KCNQ3: variants seen among roughly 807,000 people sequenced by gnomAD.
The protein encoded by KCNQ3 is potassium voltage-gated channel subfamily KQT member 3.
In KCNQ3, 30 loss-of-function variants were observed where a neutral mutation model predicts 92.5. The observed-to-expected ratio is 0.32, with a 90% CI of 0.24 to 0.44. The LOEUF is 0.44. Ranked by LOEUF, KCNQ3 falls within the 20% of genes least tolerant of loss-of-function variation. KCNQ3 has a pLI of 1.00. For missense variants in KCNQ3, 913 were observed against 1,140.3 expected (o/e 0.80, Z 2.87); for synonymous variants, 450 against 468.8 (o/e 0.96, Z 0.52).
At chr8:132,424,936 C>T (rs901710792) in intron 1 of KCNQ3, among the ~76,000 whole-genome samples, 1 of 152,202 alleles carries the variant, frequency 6.6e-6, no homozygotes, top group African/African-American at 2.4e-5. Flanking sequence ...ATTATATCCA[C>T]AAGGAGTCTT....
intron 1 of KCNQ3, among the ~76,000 whole-genome samples, chr8:132,395,550 C>T (rs1056433464): frequency 2.0e-5 from 3 of 152,230 alleles, no homozygotes; most frequent in African/African-American, 7.2e-5. Flanking sequence ...AACCAAACAT[C>T]TTAGCTCAGA....
chr8:132,360,482 C>T (rs1358705957), intron 1 of KCNQ3, among the ~76,000 whole-genome samples: 2 of 152,176 alleles, frequency 1.3e-5, no homozygotes, highest in African/African-American at 4.8e-5. Context: ...AGGAACAGAG[C>T]CAGGCACATA....
chr8:132,446,182 C>T (rs540949539), intron 1 of KCNQ3, among the ~76,000 whole-genome samples: 1 of 152,288 alleles, frequency 6.6e-6, no homozygotes, highest in South Asian at 2.1e-4. Flanking sequence ...TTGCTAACGG[C>T]CCTGCAGTGG....
chr8:132,153,336 C>T (rs1424456303), intron 9 of KCNQ3, among the ~76,000 whole-genome samples: 1 of 152,120 alleles, frequency 6.6e-6, no homozygotes, highest in Non-Finnish European at 1.5e-5. Context: ...CTTTTCTCTG[C>T]CTGTATGTGT....
At chr8:132,294,069 C>T (rs1428105889) in intron 1 of KCNQ3, among the ~76,000 whole-genome samples, 1 of 139,764 alleles carries the variant, frequency 7.2e-6, no homozygotes, top group Admixed American at 7.9e-5. Flanking sequence ...GGCGTGATCT[C>T]AGCTCACTGC....
At chr8:132,176,157 T>C (rs945124593) in intron 4 of KCNQ3, among the ~76,000 whole-genome samples, 1 of 152,136 alleles carries the variant, frequency 6.6e-6, no homozygotes, top group Non-Finnish European at 1.5e-5. Context: ...GTACCACTGG[T>C]GAAATGCAGC....
Position 132,187,875 on chromosome 8 carries a change from A to G in KCNQ3, c.387-1694T>C, listed in dbSNP as rs1439054984. Among the ~76,000 whole-genome samples, 171 of 20,770 alleles carry G rather than the reference A, an allele frequency of 8.2e-3. 1 individual carries two copies. Among genetic ancestry groups the G allele is most frequent in the South Asian group, 0.019 (16 of 836 alleles). The allele number at this position is 20,770 out of a possible 152,430, so 13.6% of individuals were successfully genotyped here. A position where few individuals can be genotyped will look rare whatever the true frequency, so the allele number is the denominator to read the frequency against. On this transcript the variant is annotated intron_variant, in intron 1 of 14. Coordinates refer to ENST00000388996, the MANE Select transcript of KCNQ3 (RefSeq NM_004519.4). The stretch of plus-strand genomic sequence containing the variant: ...TAGTGATGGTGGTGGTGGTGGTGAT[A>G]GTGATGGTGGCGGTGGTGGTGGTGG...
intron 1 of KCNQ3, among the ~76,000 whole-genome samples, chr8:132,340,877 G>A (rs1459308937): frequency 2.6e-5 from 4 of 152,192 alleles, no homozygotes; most frequent in African/African-American, 7.2e-5. Flanking sequence ...TATTGAGCAC[G>A]TACTGAGAGC....
rs186142915 is a variant in KCNQ3 at position 132,422,801 on chromosome 8, A to G, written c.386+57346T>C. ...TAGAGAGTCAGCTGCCTGAGAGAGGAAATGATGGATCCGTAAGCTTAGGCC... is the reference window on the plus strand; with the variant it reads ...TAGAGAGTCAGCTGCCTGAGAGAGGGAATGATGGATCCGTAAGCTTAGGCC... On this transcript the variant is annotated intron_variant, in intron 1 of 14. Coordinates refer to ENST00000388996, the MANE Select transcript of KCNQ3 (RefSeq NM_004519.4). Among the ~76,000 whole-genome samples, 131 of 152,276 alleles carry G rather than the reference A, an allele frequency of 8.6e-4. 1 individual carries two copies. Among genetic ancestry groups the G allele is most frequent in the South Asian group, 3.1e-3 (15 of 4,806 alleles).
intron 1 of KCNQ3, among the ~76,000 whole-genome samples, chr8:132,282,555 C>G (rs993777312): frequency 7.2e-5 from 11 of 152,202 alleles, no homozygotes; most frequent in African/African-American, 1.9e-4. Flanking sequence ...GCTCCCGCCC[C>G]CTGGAACCAT....
intron 1 of KCNQ3, among the ~76,000 whole-genome samples, chr8:132,233,889 CA>C (rs1386067793): frequency 3.3e-5 from 5 of 152,272 alleles, no homozygotes; most frequent in African/African-American, 1.2e-4. Context: ...TTGGATATTT[CA>C]GCTGAAGCAA....
At chr8:132,396,206 C>T (rs1820189434) in intron 1 of KCNQ3, among the ~76,000 whole-genome samples, 2 of 152,316 alleles carry the variant, frequency 1.3e-5, no homozygotes, top group South Asian at 4.1e-4. Context: ...AAATGGCCCA[C>T]TCTTTGCCCC....
intron 1 of KCNQ3, among the ~76,000 whole-genome samples, chr8:132,388,839 T>C (rs1399655597): frequency 6.6e-6 from 1 of 152,246 alleles, no homozygotes; most frequent in Non-Finnish European, 1.5e-5. Flanking sequence ...TCTACCCAAG[T>C]GTCTTACATG....
intron 1 of KCNQ3, among the ~76,000 whole-genome samples, chr8:132,204,081 G>A (rs1813561860): frequency 6.6e-6 from 1 of 152,206 alleles, no homozygotes; most frequent in South Asian, 2.1e-4. Flanking sequence ...GCCATTGATT[G>A]TGTCTCACAT....
At chr8:132,455,744 TTTTG>T (rs928077519) in intron 1 of KCNQ3, among the ~76,000 whole-genome samples, 1 of 152,060 alleles carries the variant, frequency 6.6e-6, no homozygotes, top group Non-Finnish European at 1.5e-5. Flanking sequence ...GGATACTTTT[TTTTG>T]TTTGTTTGTT....
intron 1 of KCNQ3, among the ~76,000 whole-genome samples, chr8:132,467,856 C>T (rs989330998): frequency 6.6e-6 from 1 of 152,206 alleles, no homozygotes; most frequent in African/African-American, 2.4e-5. Context: ...CTTCTGATGG[C>T]ACACTGCTGT....
chr8:132,326,309 A>G (rs1418774867), intron 1 of KCNQ3, among the ~76,000 whole-genome samples: 5 of 152,196 alleles, frequency 3.3e-5, no homozygotes, highest in African/African-American at 4.8e-5. Flanking sequence ...GCAGGGTTCC[A>G]AGGCCACCAA....
intron 1 of KCNQ3, among the ~76,000 whole-genome samples, chr8:132,452,338 T>G (rs1821840827): frequency 6.6e-6 from 1 of 152,220 alleles, no homozygotes; most frequent in Admixed American, 6.5e-5. Context: ...AGTGGAGCCA[T>G]GCAGTATTTT....
intron 9 of KCNQ3, among the ~76,000 whole-genome samples, chr8:132,155,954 GT>G (rs954639625): frequency 6.6e-6 from 1 of 152,082 alleles, no homozygotes; most frequent in African/African-American, 2.4e-5. Flanking sequence ...AGTTAAACAG[GT>G]TTGCAAAATT....
Sources: gnomAD v4.1 joint callset for allele counts (sites outside exome capture counted in the v4.1 genomes callset) on GRCh38, gnomAD v4.1.1 for gene constraint, MANE v1.5 for transcripts, NCBI Gene and HGNC (gene_info 2026-07-23, HGNC 2026-07-21) for gene names.